Variants in ATN1 observed in about 807,000 individuals in gnomAD.
ATN1 encodes atrophin-1.
In ATN1, 19 loss-of-function variants were observed where a neutral mutation model predicts 85.8. The observed-to-expected ratio is 0.22, with a 90% CI of 0.15 to 0.32. The LOEUF (loss-of-function observed/expected upper bound fraction) is 0.32, where lower values mean the gene tolerates loss of function less well. ATN1 is among the 10% of genes least tolerant of loss of function. The probability of loss-of-function intolerance (pLI) is 1.00; values close to 1 mark genes in which losing one functional copy is unlikely to be tolerated. For synonymous variants in ATN1, 674 were observed against 657.0 expected (o/e 1.03, Z -0.39); for missense variants, 1,453 against 1,564.5 (o/e 0.93, Z 1.20).
At position 6,936,733 on chromosome 12, in the gene ATN1, AGC is replaced by A. The variant is rs782199287; in HGVS notation, c.1467_1468del (p.Gln490AlafsTer33). On this transcript the variant is annotated frameshift_variant, in exon 5 of 10. Coordinates refer to ENST00000396684, the MANE Select transcript of ATN1 (RefSeq NM_001940.4). LOFTEE classifies it high-confidence loss of function. ...CATCACCACCAGCAACAGCAACAGCAGCAGCAGCAGCAGCAGCAGCAGCAGCA... is the reference window on the plus strand; with the variant it reads ...CATCACCACCAGCAACAGCAACAGCAAGCAGCAGCAGCAGCAGCAGCAGCA... 4.0e-4 allele frequency: 305 copies of A among 755,578 alleles called. 1 individual carries two copies. The Middle Eastern group carries it at 6.1e-3, about 15-fold the overall frequency. 46.8% of individuals were successfully genotyped at this position (755,578 alleles called of 1,614,324 possible).
Position 6,936,047 on chromosome 12 carries a change from T to A in ATN1, c.780T>A (p.Ile260=), listed in dbSNP as rs1555143560. The A allele has an allele frequency of 1.3e-6, 2 of 1,573,096 alleles. No homozygotes were observed. The highest frequency in any genetic ancestry group is 8.6e-7 in the Non-Finnish European group (1 of 1,160,380). ...GKQHPPPTTP[I]SVSSSGASGA... is the part of the protein sequence containing the mutation. Reference sequence around the variant, plus strand: ...AGCACCCCCCACCCACTACTCCCATTTCAGTATCAAGCTCTGGGGCTAGTG... The same window carrying A: ...AGCACCCCCCACCCACTACTCCCATATCAGTATCAAGCTCTGGGGCTAGTG... Residue 260 remains isoleucine, a synonymous_variant, in exon 5 of 10, where the codon ATT becomes ATA. Transcript: ENST00000396684.
Position 6,937,622 on chromosome 12 carries a change from A to C in ATN1, c.2294+61A>C. 1 of 1,447,166 alleles carries C rather than the reference A, an allele frequency of 6.9e-7. No homozygotes were observed. Among genetic ancestry groups the C allele is most frequent in the Non-Finnish European group, 9.1e-7 (1 of 1,100,822 alleles). The allele number at this position is 1,447,166 out of a possible 1,614,324, so 89.6% of individuals were successfully genotyped here. A position where few individuals can be genotyped will look rare whatever the true frequency, so the allele number is the denominator to read the frequency against. Reference sequence around the variant, plus strand: ...AGGGGACGACGACAAGGCGGCGACGAGAGAGGGAGTAGCAGGGAGGGGCCT... The same window carrying C: ...AGGGGACGACGACAAGGCGGCGACGCGAGAGGGAGTAGCAGGGAGGGGCCT... On this transcript the variant is annotated intron_variant, in intron 5 of 9. Transcript: ENST00000396684. This position sits in a 1 kb window ranked among gnomAD's most constrained non-coding sequence, Gnocchi z 6.0.
upstream of ATN1, among the ~76,000 whole-genome samples, chr12:6,926,557 C>T (rs1555142599): frequency 2.6e-5 from 4 of 151,912 alleles, no homozygotes; most frequent in African/African-American, 9.7e-5. Flanking sequence ...TTGCTGAAAC[C>T]TTTGCCTCCC....
rs782667185 is a variant in ATN1, at chr12:6,937,947, G to A, written c.2397G>A (p.Leu799=). Residue 799 remains leucine (L), a synonymous_variant, in exon 6 of 10, where the codon CTG becomes CTA. Coordinates refer to ENST00000396684, the MANE Select transcript of ATN1 (RefSeq NM_001940.4). The surrounding 1 kb of genome is among the most constrained non-coding windows in gnomAD (Gnocchi z 6.0). ...GSKLAKKRAD[L]VEKVRREAEQ... ...AGCTGGCCAAGAAGCGGGCCGACCT[G>A]GTGGAGAAGGTGCGGCGCGAGGCCG... 4 of 1,580,878 alleles carry A rather than the reference G, an allele frequency of 2.5e-6. No individual in the cohort carries two copies. The highest frequency in any genetic ancestry group is 2.3e-5 in the South Asian group (2 of 87,080).
At chr12:6,940,281 C>T (rs1237104642) in intron 7 of ATN1, among the ~76,000 whole-genome samples, 8 of 150,822 alleles carry the variant, frequency 5.3e-5, no homozygotes, top group Non-Finnish European at 1.0e-4. Context: ...TGAGCCACCG[C>T]ACCCGGCTTC....
chr12:6,941,448 GCA>G lies in ATN1; in HGVS notation c.3436_3437del (p.Gln1146ValfsTer3). The G allele has an allele frequency of 6.2e-7, 1 of 1,612,604 alleles. No homozygotes were observed. The highest frequency in any genetic ancestry group is 1.1e-5 in the South Asian group (1 of 91,046). ...SAAHQLQAMH[A>X]QSAELQRLAL... ...AGCTCATCAGCTGCAGGCCATGCAC[GCA>G]CAGTCAGCTGAGCTGCAGCGCTTGG... On this transcript the variant is annotated frameshift_variant, in exon 9 of 10. Coordinates refer to ENST00000396684, the MANE Select transcript of ATN1 (RefSeq NM_001940.4). LOFTEE classifies it high-confidence loss of function. This position sits in a 1 kb window ranked among gnomAD's most constrained non-coding sequence, Gnocchi z 5.9.
In ATN1 at chr12:6,937,250, G is replaced by A; in HGVS notation, c.1983G>A (p.Ser661=). The change falls in exon 5 of 10, where the codon TCG becomes TCA. Residue 661 remains serine, a synonymous_variant. Coordinates refer to ENST00000396684, the MANE Select transcript of ATN1 (RefSeq NM_001940.4). This position sits in a 1 kb window ranked among gnomAD's most constrained non-coding sequence, Gnocchi z 6.0. ...TATPPGYKPG[S]PPSFRTGTPP... is the part of the protein sequence containing the mutation. ...CCCCACCCGGATACAAACCCGGGTCGCCTCCCTCCTTCCGAACGGGGACCC... is the reference window on the plus strand; with the variant it reads ...CCCCACCCGGATACAAACCCGGGTCACCTCCCTCCTTCCGAACGGGGACCC... 3 of 1,611,536 alleles carry A rather than the reference G, an allele frequency of 1.9e-6. No individual in the cohort carries two copies. The highest frequency in any genetic ancestry group is 1.3e-5 in the African/African-American group (1 of 75,002).
At chr12:6,926,456 C>T (rs1013466943), upstream of ATN1, among the ~76,000 whole-genome samples, 3 of 151,438 alleles carry the variant, frequency 2.0e-5, no homozygotes, top group Non-Finnish European at 2.9e-5. Context: ...CCTTTAACTG[C>T]CCTCGTTTCC....
upstream of ATN1, among the ~76,000 whole-genome samples, chr12:6,924,944 C>A (rs1372781884): frequency 6.6e-6 from 1 of 152,136 alleles, no homozygotes; most frequent in Admixed American, 6.5e-5. Context: ...TCTGGCCCCC[C>A]AACCCCCAAA....
chr12:6,931,431 A>T (rs1163941027), intron 1 of ATN1, among the ~76,000 whole-genome samples: 1 of 149,130 alleles, frequency 6.7e-6, no homozygotes, highest in Non-Finnish European at 1.5e-5. Flanking sequence ...AAAAAAAAAA[A>T]GGCCGGGCAT....
At chr12:6,924,748 C>T (rs1251440077), upstream of ATN1, among the ~76,000 whole-genome samples, 7 of 152,114 alleles carry the variant, frequency 4.6e-5, no homozygotes, top group African/African-American at 9.7e-5. Context: ...TTTCTCCTGG[C>T]GACCCTTTAT....
intron 1 of ATN1, 54 bp from the exon 2 acceptor site, chr12:6,933,786 T>A: frequency 1.6e-6 from 1 of 624,756 alleles, no homozygotes; most frequent in South Asian, 2.0e-5. Context: ...AGAATAGTAT[T>A]CCTTTGTGAC....
rs1305620004 is a variant in ATN1, at chr12:6,935,442, G to A, written c.280-105G>A. The stretch of plus-strand genomic sequence containing the variant: ...GAGCAAGAGTACTCACCACATCACA[G>A]TACAACAGTGTGCTGTGAGGGGAAA... On this transcript the variant is annotated intron_variant, in intron 4 of 9. Coordinates refer to ENST00000396684, the MANE Select transcript of ATN1 (RefSeq NM_001940.4). The surrounding 1 kb of genome is among the most constrained non-coding windows in gnomAD (Gnocchi z 5.3). 5.3e-6 allele frequency: 7 copies of A among 1,311,064 alleles called. No homozygotes were observed. Among genetic ancestry groups the A allele is most frequent in the African/African-American group, 1.5e-5 (1 of 68,432 alleles). 81.2% of individuals were successfully genotyped at this position (1,311,064 alleles called of 1,614,324 possible).
At chr12:6,931,001 A>G (rs1335978935) in intron 1 of ATN1, among the ~76,000 whole-genome samples, 1 of 151,700 alleles carries the variant, frequency 6.6e-6, no homozygotes, top group Non-Finnish European at 1.5e-5. Context: ...CTCGTCTGCC[A>G]CTCCTTATCC....
intron 1 of ATN1, among the ~76,000 whole-genome samples, chr12:6,933,486 C>T (rs1034680858): frequency 2.6e-5 from 4 of 152,096 alleles, no homozygotes; most frequent in Admixed American, 1.3e-4. Flanking sequence ...CACCATGCCC[C>T]GCTCCATTTC....
rs1945635611 is a variant in ATN1 at position 6,941,583 on chromosome 12, C to T, written c.3539+29C>T. Reference sequence around the variant, plus strand: ...CCCTAGGGTGCCCCAGCCCAGGGGACATGGGCTCAGCGAGCCTGGGAGGAG... The same window carrying T: ...CCCTAGGGTGCCCCAGCCCAGGGGATATGGGCTCAGCGAGCCTGGGAGGAG... On this transcript the variant is annotated intron_variant, in intron 9 of 9. Coordinates refer to ENST00000396684, the MANE Select transcript of ATN1 (RefSeq NM_001940.4). This position sits in a 1 kb window ranked among gnomAD's most constrained non-coding sequence, Gnocchi z 5.9. 2 of 1,611,734 alleles carry T rather than the reference C, an allele frequency of 1.2e-6. No individual in the cohort carries two copies. Among genetic ancestry groups the T allele is most frequent in the Non-Finnish European group, 1.7e-6 (2 of 1,178,970 alleles).
Position 6,941,254 on chromosome 12 carries a change from G to C in ATN1, c.3359-120G>C. 1 of 1,316,602 alleles carries C rather than the reference G, an allele frequency of 7.6e-7. No individual in the cohort carries two copies. Among genetic ancestry groups the C allele is most frequent in the Non-Finnish European group, 1.0e-6 (1 of 960,190 alleles). 81.6% of individuals were successfully genotyped at this position (1,316,602 alleles called of 1,614,324 possible). A position where few individuals can be genotyped will look rare whatever the true frequency, so the allele number is the denominator to read the frequency against. The stretch of plus-strand genomic sequence containing the variant: ...CTACCACTGGCAACTTACAGAACTG[G>C]GTGTGTTACCTCACTTTTTAGTTCA... On this transcript the variant is annotated intron_variant, in intron 8 of 9. Coordinates refer to ENST00000396684, the MANE Select transcript of ATN1 (RefSeq NM_001940.4). This position sits in a 1 kb window ranked among gnomAD's most constrained non-coding sequence, Gnocchi z 5.9.
chr12:6,941,801 C>T lies in ATN1; in HGVS notation c.*21C>T, dbSNP rs1555144724. 6.2e-7 allele frequency: 1 copy of T among 1,613,486 alleles called. No individual in the cohort carries two copies. The highest frequency in any genetic ancestry group is 1.7e-5 in the Admixed American group (1 of 60,012). ...TGTAGAACCTGCGATCAAGAGAGCA[C>T]CATGGCTCCTACATTGGACCTTGGA... On this transcript the variant is annotated 3_prime_UTR_variant, in exon 10 of 10. Transcript: ENST00000396684. This position sits in a 1 kb window ranked among gnomAD's most constrained non-coding sequence, Gnocchi z 5.9.
At position 6,937,127 on chromosome 12, in the gene ATN1, C is replaced by A; in HGVS notation, c.1860C>A (p.Thr620=). The change falls in exon 5 of 10, where the codon ACC becomes ACA. Residue 620 remains threonine, a synonymous_variant. Transcript: ENST00000396684. The surrounding 1 kb of genome is among the most constrained non-coding windows in gnomAD (Gnocchi z 6.0). ...SSATLSTVIA[T]VASSPAGYKT... Reference sequence around the variant, plus strand: ...CTACCCTTTCCACGGTCATTGCCACCGTGGCTTCCTCGCCAGCAGGCTACA... The same window carrying A: ...CTACCCTTTCCACGGTCATTGCCACAGTGGCTTCCTCGCCAGCAGGCTACA... 1 of 1,611,746 alleles carries A rather than the reference C, an allele frequency of 6.2e-7. No homozygotes were observed. Among genetic ancestry groups the A allele is most frequent in the Non-Finnish European group, 8.5e-7 (1 of 1,180,002 alleles).
Sources: allele counts gnomAD v4.1 joint callset (sites outside exome capture counted in the v4.1 genomes callset), GRCh38; gene constraint gnomAD v4.1.1; non-coding constraint Gnocchi (gnomAD v3.1); transcripts MANE v1.5; gene names NCBI Gene and HGNC (gene_info 2026-07-23, HGNC 2026-07-21).